CFAP47: variants seen among roughly 807,000 people sequenced by gnomAD.
CFAP47 encodes cilia- and flagella-associated protein 47.
In CFAP47, 29 loss-of-function variants were observed where a neutral mutation model predicts 148.1. The ratio of observed to expected loss-of-function variants is 0.20; its 90% CI spans 0.15 to 0.27. CFAP47 has a LOEUF of 0.27. Ranked by LOEUF, CFAP47 falls within the 10% of genes least tolerant of loss-of-function variation. The pLI is 1.00. For synonymous variants in CFAP47, 664 were observed against 577.3 expected (o/e 1.15, Z -2.15); for missense variants, 1,872 against 1,697.5 (o/e 1.10, Z -1.81).
chrX:36,242,913 CT>C (rs1940563675), intron 48 of CFAP47, among the ~76,000 whole-genome samples: 2 of 111,321 alleles, frequency 1.8e-5, no homozygotes. Flanking sequence ...AGAAAAAGTC[CT>C]AAAGGCAGGT....
At chrX:36,369,212 C>G (rs1941906694) in intron 62 of CFAP47, among the ~76,000 whole-genome samples, 3 of 110,318 alleles carry the variant, frequency 2.7e-5, no homozygotes, top group Non-Finnish European at 3.8e-5. Context: ...GTCAGAAATT[C>G]TATGATATAC....
At chrX:36,255,852 G>A (rs1054089292) in intron 49 of CFAP47, among the ~76,000 whole-genome samples, 25 of 111,327 alleles carry the variant, frequency 2.2e-4, no homozygotes, top group Non-Finnish European at 4.3e-4. Flanking sequence ...GTTCTATCTC[G>A]ACTTCAAAGT....
At chrX:36,266,469 C>G (rs1416958124) in intron 49 of CFAP47, among the ~76,000 whole-genome samples, 1 of 110,841 alleles carries the variant, frequency 9.0e-6, no homozygotes, top group Non-Finnish European at 1.9e-5. Context: ...GGGTGGGAAC[C>G]CTTCTGGCAG....
chrX:36,380,568 C>G (rs1483607070), intron 63 of CFAP47, among the ~76,000 whole-genome samples: 1 of 111,704 alleles, frequency 9.0e-6, no homozygotes, highest in Non-Finnish European at 1.9e-5. Flanking sequence ...CTCAGCCTCC[C>G]GAGTAGCAGG....
chrX:35,928,645 G>A (rs1238908372), intron 2 of CFAP47, among the ~76,000 whole-genome samples: 1 of 109,302 alleles, frequency 9.1e-6, no homozygotes, highest in African/African-American at 3.4e-5. Flanking sequence ...AGAACAAAAG[G>A]GTTTTTTTTT....
intron 35 of CFAP47, chrX:36,144,492 G>T: frequency 1.1e-6 from 1 of 933,298 alleles, no homozygotes; most frequent in South Asian, 2.5e-5. Flanking sequence ...CTTATTTGAT[G>T]GTTAATATTA....
At chrX:35,971,528 T>G in intron 11 of CFAP47, 58 bp from the exon 12 acceptor site, 1 of 780,603 alleles carries the variant, frequency 1.3e-6, no homozygotes, top group East Asian at 3.5e-5. Flanking sequence ...AATTTACAGA[T>G]GCATTTTTTG....
intron 33 of CFAP47, among the ~76,000 whole-genome samples, chrX:36,125,739 A>T (rs1440292791): frequency 9.0e-6 from 1 of 111,633 alleles, no homozygotes; most frequent in African/African-American, 3.3e-5. Context: ...TTGTAAATAG[A>T]AAGTTAAGAA....
At chrX:36,296,317 T>C (rs1435059018) in intron 51 of CFAP47, among the ~76,000 whole-genome samples, 3 of 111,976 alleles carry the variant, frequency 2.7e-5, no homozygotes, top group African/African-American at 9.7e-5. Context: ...GTGATTTTGT[T>C]TCATTTTGTT....
intron 29 of CFAP47, among the ~76,000 whole-genome samples, chrX:36,077,401 G>A (rs1374108708): frequency 9.3e-6 from 1 of 107,479 alleles, no homozygotes; most frequent in African/African-American, 3.4e-5. Context: ...CAATCAATGA[G>A]CATAAAATGT....
intron 22 of CFAP47, among the ~76,000 whole-genome samples, chrX:36,028,691 G>A (rs1345122642): frequency 9.0e-6 from 1 of 111,340 alleles, no homozygotes; most frequent in African/African-American, 3.2e-5. Context: ...ACTGATTTTT[G>A]TATATTAATT....
intron 33 of CFAP47, among the ~76,000 whole-genome samples, chrX:36,129,031 G>C (rs1938897123): frequency 9.1e-6 from 1 of 109,448 alleles, no homozygotes; most frequent in Non-Finnish European, 1.9e-5. Flanking sequence ...CTGTGTTAGT[G>C]ATATTTCTTG....
chrX:35,995,752 A>G (rs1400198843), intron 18 of CFAP47, among the ~76,000 whole-genome samples: 1 of 111,580 alleles, frequency 9.0e-6, no homozygotes, highest in Non-Finnish European at 1.9e-5. Flanking sequence ...ATGAAAGAGA[A>G]TGTTTCTACT....
intron 21 of CFAP47, among the ~76,000 whole-genome samples, chrX:36,006,461 G>A (rs939505520): frequency 9.0e-6 from 1 of 111,696 alleles, no homozygotes; most frequent in Non-Finnish European, 1.9e-5. Flanking sequence ...TGCCAGTAAG[G>A]CAGATTGATT....
intron 30 of CFAP47, among the ~76,000 whole-genome samples, chrX:36,090,374 A>G (rs1323514688): frequency 8.9e-6 from 1 of 112,011 alleles, no homozygotes; most frequent in South Asian, 3.7e-4. Flanking sequence ...GATTGTATGC[A>G]TATAATGGAA....
intron 49 of CFAP47, among the ~76,000 whole-genome samples, chrX:36,251,903 A>G (rs1940696969): frequency 9.0e-6 from 1 of 111,286 alleles, no homozygotes; most frequent in Non-Finnish European, 1.9e-5. Context: ...TGTCTGTAAT[A>G]AAGTATTTAT....
At chrX:36,300,003 C>G (rs2146956972) in intron 52 of CFAP47, among the ~76,000 whole-genome samples, 1 of 111,459 alleles carries the variant, frequency 9.0e-6, no homozygotes, top group African/African-American at 3.2e-5. Context: ...GGTCTTTTTG[C>G]CCCAATATGA....
At chrX:36,124,155 T>C (rs1031807531) in intron 33 of CFAP47, among the ~76,000 whole-genome samples, 14 of 111,609 alleles carry the variant, frequency 1.3e-4, no homozygotes, top group African/African-American at 4.6e-4. Flanking sequence ...TGAACTGGTA[T>C]TGAAGATGCA....
At chrX:36,178,378 T>A (rs1237507958) in intron 39 of CFAP47, among the ~76,000 whole-genome samples, 2 of 111,289 alleles carry the variant, frequency 1.8e-5, no homozygotes, top group Non-Finnish European at 3.8e-5. Flanking sequence ...AATAAAAATT[T>A]GACTAAAGAA....
Sources: allele counts gnomAD v4.1 joint callset (sites outside exome capture counted in the v4.1 genomes callset), GRCh38; gene constraint gnomAD v4.1.1; transcripts MANE v1.5; gene names NCBI Gene and HGNC (gene_info 2026-07-23, HGNC 2026-07-21).